The following DPH6 variants were observed in gnomAD, a reference collection of about 807,000 sequenced individuals.
The protein encoded by DPH6 is diphthine--ammonia ligase.
DPH6 carries 33 observed loss-of-function variants against 38.2 expected under a neutral mutation model. The observed-to-expected ratio is 0.86, with a 90% confidence interval of 0.65 to 1.15. DPH6 has a LOEUF of 1.15. Ranked by LOEUF, DPH6 falls within the 50% of genes most tolerant of loss-of-function variation. The probability of loss-of-function intolerance (pLI) is 0.00; values close to 1 mark genes in which losing one functional copy is unlikely to be tolerated. For missense variants in DPH6, 325 were observed against 320.0 expected (o/e 1.02, Z -0.12); for synonymous variants, 108 against 103.0 (o/e 1.05, Z -0.30).
At chr15:35,421,507 A>G (rs922168001) in intron 5 of DPH6, among the ~76,000 whole-genome samples, 1 of 152,196 alleles carries the variant, frequency 6.6e-6, no homozygotes, top group African/African-American at 2.4e-5. Context: ...AAATTACTGT[A>G]AAGTTTTTGG....
chr15:35,304,744 A>T (rs919834973), intron 3 of DPH6, among the ~76,000 whole-genome samples: 18 of 151,758 alleles, frequency 1.2e-4, no homozygotes, highest in African/African-American at 4.1e-4. Flanking sequence ...AAAAAACAGT[A>T]TGTTTAAGCC....
At chr15:35,521,622 A>G in intron 3 of DPH6, 1 of 1,229,908 alleles carries the variant, frequency 8.1e-7, no homozygotes, top group Non-Finnish European at 1.0e-6. Flanking sequence ...GACTACAAAA[A>G]AAATCAGGCA....
At chr15:35,280,944 A>AT (rs1323910059) in intron 3 of DPH6, among the ~76,000 whole-genome samples, 1 of 152,088 alleles carries the variant, frequency 6.6e-6, no homozygotes, top group African/African-American at 2.4e-5. Context: ...TGATATATAT[A>AT]TTTTTTGTGA....
At chr15:35,201,155 A>G in the DPH6 span, among the ~76,000 whole-genome samples, 1 of 151,540 alleles carries the variant, frequency 6.6e-6, no homozygotes, top group Non-Finnish European at 1.5e-5. Flanking sequence ...AAATTCTGCA[A>G]AAATTATACT....
chr15:35,237,663 A>T, intron 3 of DPH6: 2 of 1,613,998 alleles, frequency 1.2e-6, no homozygotes, highest in East Asian at 2.2e-5. Context: ...AAAAACTTAG[A>T]AAACCTCAAG....
chr15:35,234,234 T>C (rs2051537334), intron 3 of DPH6, among the ~76,000 whole-genome samples: 1 of 152,210 alleles, frequency 6.6e-6, no homozygotes, highest in South Asian at 2.1e-4. Context: ...ACATCTAATT[T>C]AAAAAACTGC....
chr15:35,149,094 T>G, the DPH6 span, among the ~76,000 whole-genome samples: 1 of 152,114 alleles, frequency 6.6e-6, no homozygotes, highest in South Asian at 2.1e-4. Flanking sequence ...CCTTGCTCTT[T>G]CCCTTCAGCC....
chr15:35,356,111 C>T (rs377034156), intron 3 of DPH6, among the ~76,000 whole-genome samples: 2 of 152,166 alleles, frequency 1.3e-5, no homozygotes, highest in East Asian at 1.9e-4. Flanking sequence ...ACATAGTTCT[C>T]GTGCCGTAGT....
At chr15:35,150,831 G>C in the DPH6 span, among the ~76,000 whole-genome samples, 1 of 152,180 alleles carries the variant, frequency 6.6e-6, no homozygotes, top group South Asian at 2.1e-4. Flanking sequence ...ATTAAAAGAT[G>C]ATGATGCCAA....
At chr15:35,327,370 A>G (rs1047926586), downstream of DPH6, among the ~76,000 whole-genome samples, 33 of 135,204 alleles carry the variant, frequency 2.4e-4, no homozygotes, top group Non-Finnish European at 4.8e-4. Context: ...AGGGAGTCTC[A>G]TGTCTCATTC....
the DPH6 span, among the ~76,000 whole-genome samples, chr15:35,198,744 T>A: frequency 6.6e-6 from 1 of 152,328 alleles, no homozygotes; most frequent in East Asian, 1.9e-4. Flanking sequence ...TGAAAAATCA[T>A]CATGCAAGAA....
intron 3 of DPH6, among the ~76,000 whole-genome samples, chr15:35,320,860 T>C (rs1463003211): frequency 1.3e-5 from 2 of 152,184 alleles, no homozygotes; most frequent in Non-Finnish European, 2.9e-5. Context: ...GAGAAAAAAA[T>C]AAAAGCTCTC....
intron 3 of DPH6, among the ~76,000 whole-genome samples, chr15:35,349,499 T>C (rs1049746264): frequency 2.0e-5 from 3 of 152,062 alleles, no homozygotes; most frequent in African/African-American, 7.2e-5. Context: ...TGCAGTGGAG[T>C]GATTTCGGCT....
intron 5 of DPH6, among the ~76,000 whole-genome samples, chr15:35,435,385 C>T (rs2053684972): frequency 6.6e-6 from 1 of 152,186 alleles, no homozygotes; most frequent in African/African-American, 2.4e-5. Context: ...AAAAGGCAAA[C>T]ATTGAGCAGT....
At chr15:35,512,162 T>C (rs1370278891) in intron 3 of DPH6, among the ~76,000 whole-genome samples, 1 of 152,184 alleles carries the variant, frequency 6.6e-6, no homozygotes, top group Non-Finnish European at 1.5e-5. Context: ...AAATCTTACG[T>C]TTCATATAAA....
the DPH6 span, among the ~76,000 whole-genome samples, chr15:35,161,064 A>T: frequency 1.3e-5 from 2 of 151,990 alleles, no homozygotes; most frequent in African/African-American, 4.8e-5. Context: ...TGGGTGCAGC[A>T]CACCAACATG....
intron 3 of DPH6, among the ~76,000 whole-genome samples, chr15:35,311,352 C>A (rs149153386): frequency 6.6e-6 from 1 of 152,312 alleles, no homozygotes; most frequent in Non-Finnish European, 1.5e-5. Context: ...TCCTCTACAT[C>A]TCCACAAGTG....
intron 3 of DPH6, among the ~76,000 whole-genome samples, chr15:35,351,939 C>A (rs1349253613): frequency 6.6e-6 from 1 of 152,054 alleles, no homozygotes; most frequent in African/African-American, 2.4e-5. Context: ...ATACTGGTCT[C>A]AAACTCCTGG....
At chr15:35,239,788 G>A (rs1466804160) in intron 3 of DPH6, among the ~76,000 whole-genome samples, 2 of 141,296 alleles carry the variant, frequency 1.4e-5, no homozygotes, top group African/African-American at 5.1e-5. Flanking sequence ...GCTTTCCTAG[G>A]GGGCAAGAAC....
Sources: allele counts gnomAD v4.1 joint callset (sites outside exome capture counted in the v4.1 genomes callset), GRCh38; gene constraint gnomAD v4.1.1; transcripts MANE v1.5; gene names NCBI Gene and HGNC (gene_info 2026-07-23, HGNC 2026-07-21).